The following CENPI variants were observed in gnomAD, a reference collection of about 807,000 sequenced individuals.
CENPI encodes FSH primary response 1.
CENPI carries 4 observed loss-of-function variants against 60.4 expected under a neutral mutation model. That is an observed-to-expected ratio of 0.07 (90% CI 0.03 to 0.15). The LOEUF (loss-of-function observed/expected upper bound fraction) is 0.15, where lower values mean the gene tolerates loss of function less well. Among genes scored for constraint, CENPI ranks in the 10% least tolerant of loss-of-function variants. CENPI has a pLI of 1.00. For missense variants in CENPI, 444 were observed against 534.5 expected (o/e 0.83, Z 1.67); for synonymous variants, 157 against 189.4 (o/e 0.83, Z 1.40).
At chrX:101,154,760 T>A (rs1488578610) in intron 20 of CENPI, among the ~76,000 whole-genome samples, 1 of 111,462 alleles carries the variant, frequency 9.0e-6, no homozygotes, top group African/African-American at 3.3e-5. Flanking sequence ...TTTGCAGTTT[T>A]CAGATCATAA....
At position 101,114,985 on chromosome X, in the gene CENPI, C is replaced by G. The variant is rs770648548; in HGVS notation, c.591+4987C>G. On this transcript the variant is annotated intron_variant, in intron 6 of 21. Coordinates refer to ENST00000682095, the MANE Select transcript of CENPI (RefSeq NM_001386188.2). The stretch of plus-strand genomic sequence containing the variant: ...TTTTTTTTTAATTTATTTTTTGAGA[C>G]AGAGTTTCACTCTTGTCACCCAGGC... 3.7e-5 allele frequency among the ~76,000 whole-genome samples: 4 copies of G among 108,436 alleles called. No homozygotes were observed. In the South Asian group the frequency reaches 1.6e-3, roughly 44 times the overall value. The allele number at this position is 108,436 out of a possible 115,157, so 94.2% of individuals were successfully genotyped here. A position where few individuals can be genotyped will look rare whatever the true frequency, so the allele number is the denominator to read the frequency against.
chrX:101,099,011 C>T, intron 2 of CENPI, among the ~76,000 whole-genome samples: 1 of 111,983 alleles, frequency 8.9e-6, no homozygotes, highest in Non-Finnish European at 1.9e-5. Flanking sequence ...CCACTCCCTC[C>T]AGACTGATGT....
At chrX:101,144,087 C>CTTTTTTTTTTTTTTTTTTTTT (rs58858609) in intron 16 of CENPI, among the ~76,000 whole-genome samples, 1 of 79,647 alleles carries the variant, frequency 1.3e-5, no homozygotes, top group Non-Finnish European at 2.3e-5. Flanking sequence ...TTTTCTTTTT[C>CTTTTTTTTTTTTTTTTTTTTT]TTTTTTTTTT....
Position 101,165,200 on chromosome X carries a change from A to G in CENPI, c.*2233A>G, listed in dbSNP as rs2090139185. Among the ~76,000 whole-genome samples, 1 of 111,916 alleles carries G rather than the reference A, an allele frequency of 8.9e-6. No individual in the cohort carries two copies. The highest frequency in any genetic ancestry group is 1.9e-5 in the Non-Finnish European group (1 of 53,241). ...AATGGGAAGCAATTAGATTGAGAAG[A>G]GGAGTGACATAATTTGATTTACCTT... On this transcript the variant is annotated 3_prime_UTR_variant, in exon 22 of 22. Coordinates refer to ENST00000682095, the MANE Select transcript of CENPI (RefSeq NM_001386188.2).
chrX:101,120,626 C>A, intron 7 of CENPI, 112 bp from the exon 8 acceptor site: 1 of 760,355 alleles, frequency 1.3e-6, no homozygotes, highest in Non-Finnish European at 2.0e-6. Flanking sequence ...GTATTTATTT[C>A]CTTGATATGT....
chrX:101,146,220 C>T lies in CENPI; in HGVS notation c.1769C>T (p.Ser590Phe), dbSNP rs1165731452. The change falls in exon 18 of 22, where the codon TCT becomes TTT. Residue 590 changes from serine (S) to phenylalanine (F), a missense_variant. By Grantham distance (155) the Ser-to-Phe change is radical. Coordinates refer to ENST00000682095, the MANE Select transcript of CENPI (RefSeq NM_001386188.2). ...VVLFPPGIFY[S>F]ALLSLDTSIL... Reference sequence around the variant, plus strand: ...TTGTTTCCTCCTGGGATCTTCTATTCTGCACTCCTCAGCCTGGATACCAGC... The same window carrying T: ...TTGTTTCCTCCTGGGATCTTCTATTTTGCACTCCTCAGCCTGGATACCAGC... 1.7e-6 allele frequency: 2 copies of T among 1,204,805 alleles called. No individual in the cohort carries two copies. Among genetic ancestry groups the T allele is most frequent in the Non-Finnish European group, 2.2e-6 (2 of 890,922 alleles).
intron 20 of CENPI, among the ~76,000 whole-genome samples, chrX:101,160,920 A>G (rs764147828): frequency 7.1e-5 from 8 of 112,007 alleles, no homozygotes; most frequent in Non-Finnish European, 1.3e-4. Context: ...CCAACATTCT[A>G]TGGCACAGAG....
At chrX:101,157,291 A>G (rs887323491) in intron 20 of CENPI, among the ~76,000 whole-genome samples, 4 of 111,529 alleles carry the variant, frequency 3.6e-5, no homozygotes, top group Non-Finnish European at 7.5e-5. Flanking sequence ...TCCCTGTTTT[A>G]CAGGAGAAGA....
chrX:101,120,507 CT>C, intron 7 of CENPI, 57 bp downstream of exon 7: 1 of 667,897 alleles, frequency 1.5e-6, no homozygotes, highest in Non-Finnish European at 2.4e-6. Flanking sequence ...TTGTATTGGC[CT>C]TTATAAAGTT....
chrX:101,164,357 G>C lies in CENPI; in HGVS notation c.*1390G>C, dbSNP rs906964588. On this transcript the variant is annotated 3_prime_UTR_variant, in exon 22 of 22. Transcript: ENST00000682095. ...GTTTTTGTTTTTGTTTTTTGAGATG[G>C]AGTCTCACTCTGTTGCCCAGGCTGG... Among the ~76,000 whole-genome samples the C allele has an allele frequency of 9.0e-6, 1 of 110,842 alleles. No homozygotes were observed. Among genetic ancestry groups the C allele is most frequent in the Admixed American group, 9.7e-5 (1 of 10,307 alleles).
intron 21 of CENPI, among the ~76,000 whole-genome samples, chrX:101,162,473 A>AATATATATATATATATATATATAT (rs1556409815): frequency 5.9e-4 from 40 of 68,064 alleles, no homozygotes; most frequent in African/African-American, 2.8e-3. Flanking sequence ...AAAAAAAAAA[A>AATATATATATATATATATATATAT]ATATATATAT....
At chrX:101,114,129 C>T (rs1016716726) in intron 6 of CENPI, among the ~76,000 whole-genome samples, 2 of 111,646 alleles carry the variant, frequency 1.8e-5, no homozygotes, top group Non-Finnish European at 3.8e-5. Context: ...TGGTGACAGG[C>T]ACCTCTAATC....
chrX:101,132,344 C>T (rs763296062), intron 14 of CENPI, 37 bp downstream of exon 14: 11 of 1,186,503 alleles, frequency 9.3e-6, no homozygotes, highest in South Asian at 7.1e-5. Flanking sequence ...TTTGATTCAA[C>T]GTACTATGAT....
At chrX:101,099,999 G>C (rs1472603356) in intron 2 of CENPI, 2 of 109,619 alleles carry the variant, frequency 1.8e-5, no homozygotes, top group Admixed American at 9.9e-5. Context: ...GTGTTGCCCA[G>C]ACTGGTCTTG....
At chrX:101,140,128 A>ATG (rs2089901749) in intron 15 of CENPI, among the ~76,000 whole-genome samples, 2 of 111,762 alleles carry the variant, frequency 1.8e-5, no homozygotes, top group Non-Finnish European at 3.8e-5. Context: ...GAGCCACCGC[A>ATG]CCCAGCCCAT....
intron 20 of CENPI, 56 bp from the exon 21 acceptor site, chrX:101,161,472 C>G: frequency 2.8e-6 from 3 of 1,058,210 alleles, no homozygotes; most frequent in Non-Finnish European, 3.9e-6. Flanking sequence ...ATCACCATAT[C>G]TCCCCACTTC....
intron 20 of CENPI, among the ~76,000 whole-genome samples, chrX:101,149,385 G>A (rs370140966): frequency 5.4e-5 from 6 of 111,471 alleles, no homozygotes; most frequent in African/African-American, 2.0e-4. Context: ...TTGGGCTTTG[G>A]GCCGTGGTTG....
At chrX:101,114,892 C>T (rs1179684205) in intron 6 of CENPI, among the ~76,000 whole-genome samples, 2 of 110,153 alleles carry the variant, frequency 1.8e-5, no homozygotes, top group Non-Finnish European at 1.9e-5. Context: ...TCGCCTGCCT[C>T]GGCCTCCCAA....
chrX:101,115,680 A>C (rs768736113), intron 6 of CENPI, among the ~76,000 whole-genome samples: 38 of 111,723 alleles, frequency 3.4e-4, no homozygotes, highest in South Asian at 2.2e-3. Flanking sequence ...ATTTTAAAAC[A>C]TTTTTTTGGT....
Sources: allele counts gnomAD v4.1 joint callset (sites outside exome capture counted in the v4.1 genomes callset), GRCh38; gene constraint gnomAD v4.1.1; transcripts MANE v1.5; gene names NCBI Gene and HGNC (gene_info 2026-07-23, HGNC 2026-07-21).